The following PRRC2C variants were observed in gnomAD, a reference collection of about 807,000 sequenced individuals.
PRRC2C encodes the protein protein PRRC2C.
In PRRC2C, 72 loss-of-function variants were observed where a neutral mutation model predicts 317.2. That is an observed-to-expected ratio of 0.23 (90% confidence interval 0.19 to 0.28). PRRC2C has a LOEUF of 0.28. Among genes scored for constraint, PRRC2C ranks in the 10% least tolerant of loss-of-function variants. PRRC2C has a pLI of 1.00. For missense variants in PRRC2C, 3,074 were observed against 3,459.7 expected (o/e 0.89, Z 2.80); for synonymous variants, 1,296 against 1,205.9 (o/e 1.07, Z -1.55).
chr1:171,515,818 A>G lies in PRRC2C; in HGVS notation c.485A>G (p.Asn162Ser). The stretch of plus-strand genomic sequence containing the variant: ...CAGGAAAAAAAAGAAAAGGAAACAA[A>G]TGATGACAACTATGGACCTGGACCC... ...GDQEKKEKET[N>S]DDNYGPGPSL... Residue 162 changes from asparagine to serine, a missense_variant, in exon 5 of 35, where the codon AAT becomes AGT. This residue lies in a region of PRRC2C where 237 missense variants were observed against 199.5 expected (regional missense o/e 1.19). Transcript: ENST00000647382. 1.2e-6 allele frequency: 2 copies of G among 1,612,624 alleles called. No individual in the cohort carries two copies. Among genetic ancestry groups the G allele is most frequent in the Admixed American group, 3.3e-5 (2 of 59,894 alleles).
Position 171,557,425 on chromosome 1 carries a change from A to T in PRRC2C, c.5313A>T (p.Pro1771=). 1 of 1,546,952 alleles carries T rather than the reference A, an allele frequency of 6.5e-7. No individual in the cohort carries two copies. Residue 1771 remains proline (P), a synonymous_variant, in exon 19 of 35, where the codon CCA becomes CCT. Coordinates refer to ENST00000647382, the MANE Select transcript of PRRC2C (RefSeq NM_001387844.1). ...CAGTTCCAGCCTCAACCTCAGCTCC[A>T]CTTCCGGCAACCTTAACTCCAGTTC... ...SASVPASTSA[P]LPATLTPVPA...
Position 171,557,890 on chromosome 1 carries a change from T to C in PRRC2C, c.5778T>C (p.Pro1926=). The C allele has an allele frequency of 2.8e-6, 3 of 1,090,306 alleles. No homozygotes were observed. The South Asian group carries it at 4.0e-5, about 14-fold the overall frequency. 67.5% of individuals were successfully genotyped at this position (1,090,306 alleles called of 1,614,324 possible). The change falls in exon 19 of 35, where the codon CCT becomes CCC. Residue 1926 remains proline, a synonymous_variant. Coordinates refer to ENST00000647382, the MANE Select transcript of PRRC2C (RefSeq NM_001387844.1). ...CTACCCCAGTCTCAGCCCCAAATCC[T>C]GCCCCACCTGCCCCAGCCCAGACTC... ...PAPTPVSAPN[P]APPAPAQTQA... is the part of the protein sequence containing the mutation.
Position 171,577,418 on chromosome 1 carries a change from G to T in PRRC2C, c.6956-16G>T. The T allele has an allele frequency of 6.4e-7, 1 of 1,571,230 alleles. No individual in the cohort carries two copies. Among genetic ancestry groups the T allele is most frequent in the Non-Finnish European group, 8.7e-7 (1 of 1,144,646 alleles). On this transcript the variant is annotated splice_polypyrimidine_tract_variant and intron_variant, in intron 25 of 34. Coordinates refer to ENST00000647382, the MANE Select transcript of PRRC2C (RefSeq NM_001387844.1). ...ATATGCTCTATTTTCCCCTTTATTT[G>T]CTTCCCCAAATATAGGAGCTGGTAC...
At chr1:171,580,673 G>A (rs1228826238) in intron 28 of PRRC2C, among the ~76,000 whole-genome samples, 3 of 152,154 alleles carry the variant, frequency 2.0e-5, no homozygotes, top group Non-Finnish European at 4.4e-5. Flanking sequence ...TTAACCTGAG[G>A]TTATACATAA....
chr1:171,577,631 G>A lies in PRRC2C; in HGVS notation c.7153G>A (p.Ala2385Thr), dbSNP rs775640465. 5.0e-6 allele frequency: 8 copies of A among 1,611,450 alleles called. No individual in the cohort carries two copies. The highest frequency in any genetic ancestry group is 5.1e-6 in the Non-Finnish European group (6 of 1,177,828). ...TCCGCAAGTTTATGTGTCTCAGTCT[G>A]CAGCAGGTAATGTTTTTAGGCTTGA... ...QNPQVYVSQS[A>T]AAQIPAFYMD... is the part of the protein sequence containing the mutation. The change falls in exon 26 of 35, where the codon GCA (alanine) becomes ACA (threonine). Residue 2385 changes from alanine to threonine, a missense_variant. Physicochemically the swap from Ala to Thr is moderately conservative, Grantham distance 58. Around this residue, in one of 11 missense-constraint regions of PRRC2C, gnomAD observed 490 missense variants for 663.1 expected, o/e 0.74. Transcript: ENST00000647382.
In PRRC2C at chr1:171,514,536, A is replaced by G; in HGVS notation, c.291A>G (p.Lys97=). Reference sequence around the variant, plus strand: ...TAATGGATTCATATTTTTTTTTAAGAACACCAGAAGTGCCACCAGCACAGC... The same window carrying G: ...TAATGGATTCATATTTTTTTTTAAGGACACCAGAAGTGCCACCAGCACAGC... ...ASKQEQHEEE[K]TPEVPPAQPK... Residue 97 remains lysine (K), a splice_region_variant and synonymous_variant, in exon 4 of 35, where the codon AAA becomes AAG. Coordinates refer to ENST00000647382, the MANE Select transcript of PRRC2C (RefSeq NM_001387844.1). 6.5e-7 allele frequency: 1 copy of G among 1,549,098 alleles called. No individual in the cohort carries two copies. The highest frequency in any genetic ancestry group is 1.2e-5 in the South Asian group (1 of 83,574).
chr1:171,566,279 C>T lies in PRRC2C; in HGVS notation c.6164C>T (p.Thr2055Ile). 1.9e-6 allele frequency: 3 copies of T among 1,611,542 alleles called. No homozygotes were observed. The highest frequency in any genetic ancestry group is 2.5e-6 in the Non-Finnish European group (3 of 1,178,910). Residue 2055 changes from threonine (T) to isoleucine (I), a missense_variant, in exon 21 of 35, where the codon ACA (threonine) becomes ATA (isoleucine). Thr to Ile is a moderately conservative substitution (Grantham distance 89, BLOSUM62 -1). Around this residue, in one of 11 missense-constraint regions of PRRC2C, gnomAD observed 640 missense variants for 676.1 expected, o/e 0.95. Transcript: ENST00000647382. ...AGTGGACTCGAAATTGGAACTGACA[C>T]AATTCAGTTTGGTGCTCCAGCCTCA... ...QESGLEIGTD[T>I]IQFGAPASNG...
intron 1 of PRRC2C, among the ~76,000 whole-genome samples, chr1:171,499,449 G>T (rs765059326): frequency 4.1e-4 from 62 of 152,192 alleles, no homozygotes; most frequent in Non-Finnish European, 6.6e-4. Flanking sequence ...ATTTGAAGCA[G>T]TGAACAGCAG....
intron 18 of PRRC2C, among the ~76,000 whole-genome samples, chr1:171,554,098 G>A (rs1680865143): frequency 6.6e-6 from 1 of 152,170 alleles, no homozygotes; most frequent in Non-Finnish European, 1.5e-5. Flanking sequence ...TTGTGTGGGA[G>A]TCTAAGTCTC....
At chr1:171,568,824 CTTG>C (rs72317008) in intron 23 of PRRC2C, among the ~76,000 whole-genome samples, 5,693 of 152,174 alleles carry the variant, frequency 0.037, 329 homozygotes, top group African/African-American at 0.13. Flanking sequence ...TAACAACATT[CTTG>C]TTGTGTAGAT....
chr1:171,564,582 C>T (rs991568709), intron 20 of PRRC2C, among the ~76,000 whole-genome samples: 1 of 152,194 alleles, frequency 6.6e-6, no homozygotes, highest in African/African-American at 2.4e-5. Flanking sequence ...TGCTTAACAA[C>T]AGAGATACGT....
intron 15 of PRRC2C, among the ~76,000 whole-genome samples, chr1:171,539,297 A>G (rs533149399): frequency 4.1e-4 from 63 of 152,256 alleles, no homozygotes; most frequent in African/African-American, 1.3e-3. Flanking sequence ...GAGCCACCGC[A>G]CCCGGCCCTA....
chr1:171,566,418 G>A lies in PRRC2C; in HGVS notation c.6303G>A (p.Gln2101=). ...CACGAGCAGGACCTATCAAAGCCCA[G>A]AAGGTAAATATACTTTATAATCCAG... ...KQPRAGPIKA[Q]KLPDLSPVEN... Residue 2101 remains glutamine, a synonymous_variant, in exon 21 of 35, where the codon CAG becomes CAA. Coordinates refer to ENST00000647382, the MANE Select transcript of PRRC2C (RefSeq NM_001387844.1). The A allele has an allele frequency of 6.4e-7, 1 of 1,567,920 alleles. No individual in the cohort carries two copies. Among genetic ancestry groups the A allele is most frequent in the Non-Finnish European group, 8.6e-7 (1 of 1,156,254 alleles).
chr1:171,508,093 G>A (rs926104244), intron 1 of PRRC2C, among the ~76,000 whole-genome samples: 7 of 152,182 alleles, frequency 4.6e-5, no homozygotes, highest in African/African-American at 1.7e-4. Context: ...TCTGCAAACA[G>A]GGATAGTTTT....
At chr1:171,567,370 C>T (rs1364046657) in intron 22 of PRRC2C, among the ~76,000 whole-genome samples, 1 of 152,080 alleles carries the variant, frequency 6.6e-6, no homozygotes, top group African/African-American at 2.4e-5. Context: ...GTTGATTGAC[C>T]ATGGGAACAG....
chr1:171,577,920 G>C (rs1429351199), intron 26 of PRRC2C, among the ~76,000 whole-genome samples: 1 of 149,514 alleles, frequency 6.7e-6, no homozygotes, highest in East Asian at 2.0e-4. Flanking sequence ...TGGGGCCACA[G>C]GAGCACACCA....
At chr1:171,516,319 A>G (rs995215259) in intron 5 of PRRC2C, among the ~76,000 whole-genome samples, 33 of 152,330 alleles carry the variant, frequency 2.2e-4, no homozygotes, top group Admixed American at 1.1e-3. Context: ...AAAGTGTAAA[A>G]TGTTCGAGGG....
At position 171,517,798 on chromosome 1, in the gene PRRC2C, C is replaced by T. The variant is rs1672650522; in HGVS notation, c.734C>T (p.Ala245Val). 2 of 1,612,814 alleles carry T rather than the reference C, an allele frequency of 1.2e-6. No homozygotes were observed. The highest frequency in any genetic ancestry group is 3.3e-5 in the Admixed American group (2 of 59,956). ...GCTGCTCTCGCTTCCCAGTATAGAG[C>T]TATGATGCCTCCTTATGTGAGTATT... Reference protein sequence around the residue: ...QQAALASQYRAMMPPYMFQQY... With the variant: ...QQAALASQYRVMMPPYMFQQY... Residue 245 changes from alanine to valine, a missense_variant, in exon 6 of 35, where the codon GCT (alanine) becomes GTT (valine). By Grantham distance (64) the Ala-to-Val change is moderately conservative. This residue lies in a region of PRRC2C where 237 missense variants were observed against 199.5 expected (regional missense o/e 1.19). Transcript: ENST00000647382.
At chr1:171,569,876 A>G (rs1684448404) in intron 23 of PRRC2C, among the ~76,000 whole-genome samples, 2 of 151,920 alleles carry the variant, frequency 1.3e-5, no homozygotes, top group South Asian at 4.1e-4. Flanking sequence ...TAAAATAAGG[A>G]AGAAAAAATT....
Sources: allele counts gnomAD v4.1 joint callset (sites outside exome capture counted in the v4.1 genomes callset), GRCh38; gene constraint gnomAD v4.1.1; regional missense constraint gnomAD v4.1.1; transcripts MANE v1.5; gene names NCBI Gene and HGNC (gene_info 2026-07-23, HGNC 2026-07-21).